The following SUMF1 variants were observed in gnomAD, a reference collection of about 807,000 sequenced individuals.
SUMF1 encodes sulfatase modifying factor 1, also known as formylglycine-generating enzyme.
A neutral mutation model predicts 47.6 loss-of-function variants in SUMF1; 48 were observed. The observed-to-expected ratio is 1.01, with a 90% CI of 0.80 to 1.28. SUMF1 has a LOEUF of 1.28. SUMF1 is among the 50% of genes most tolerant of loss of function. The probability of loss-of-function intolerance (pLI) is 0.00; values close to 1 mark genes in which losing one functional copy is unlikely to be tolerated. For missense variants in SUMF1, 571 were observed against 485.4 expected (o/e 1.18, Z -1.66); for synonymous variants, 230 against 192.1 (o/e 1.20, Z -1.63).
intron 8 of SUMF1, among the ~76,000 whole-genome samples, chr3:4,232,149 T>C (rs553550134): frequency 2.0e-4 from 31 of 152,126 alleles, no homozygotes; most frequent in South Asian, 6.2e-4. Context: ...AAAACTGACA[T>C]TGACTAATTT....
intron 7 of SUMF1, among the ~76,000 whole-genome samples, chr3:4,383,784 C>G (rs1289932436): frequency 6.6e-6 from 1 of 152,192 alleles, no homozygotes; most frequent in African/African-American, 2.4e-5. Flanking sequence ...ATGTTGCCTG[C>G]TGTGCTGTGA....
In SUMF1 at chr3:4,308,155, T is replaced by C. The variant is rs1055396555; in HGVS notation, c.1014+68175A>G. The stretch of plus-strand genomic sequence containing the variant: ...AAGAAGTCTAGTCTGGATCAGCTCT[T>C]AGCTTTTCTCCACTCAAATGGAGAA... On this transcript the variant is annotated intron_variant and NMD_transcript_variant, in intron 8 of 12. Transcript: ENST00000448413. 7.9e-5 allele frequency among the ~76,000 whole-genome samples: 12 copies of C among 152,356 alleles called. 1 individual carries two copies. The East Asian group carries it at 2.1e-3, about 27-fold the overall frequency.
chr3:4,282,537 A>G (rs1697550856), intron 8 of SUMF1, among the ~76,000 whole-genome samples: 1 of 152,182 alleles, frequency 6.6e-6, no homozygotes, highest in Admixed American at 6.5e-5. Flanking sequence ...GAGTGGGGAA[A>G]AATCCTTATG....
intron 8 of SUMF1, among the ~76,000 whole-genome samples, chr3:4,260,022 G>T (rs1439166220): frequency 8.6e-6 from 1 of 116,326 alleles, no homozygotes; most frequent in Non-Finnish European, 1.9e-5. Context: ...CCAGAAAAAG[G>T]ATAAAAAAAA....
chr3:4,232,513 C>A (rs1696323004), intron 8 of SUMF1, among the ~76,000 whole-genome samples: 1 of 151,718 alleles, frequency 6.6e-6, no homozygotes, highest in African/African-American at 2.4e-5. Flanking sequence ...ACCCTCCCAG[C>A]AATACTACAT....
chr3:4,427,674 T>C (rs1702109834), intron 3 of SUMF1, among the ~76,000 whole-genome samples: 2 of 152,182 alleles, frequency 1.3e-5, no homozygotes, highest in South Asian at 4.1e-4. Context: ...GACTTGAACT[T>C]TTCAATACTT....
At chr3:4,096,703 T>G (rs1169650144) in intron 8 of SUMF1, among the ~76,000 whole-genome samples, 1 of 152,052 alleles carries the variant, frequency 6.6e-6, no homozygotes, top group African/African-American at 2.4e-5. Context: ...TCTGTAAAGA[T>G]AAAGCAAGAA....
At chr3:4,451,847 C>T (rs905100384) in intron 2 of SUMF1, among the ~76,000 whole-genome samples, 1 of 152,106 alleles carries the variant, frequency 6.6e-6, no homozygotes, top group Admixed American at 6.6e-5. Flanking sequence ...CCATGCCCGG[C>T]TAATTTTTTG....
At chr3:4,058,590 AGAG>A (rs963739148) in intron 9 of SUMF1, among the ~76,000 whole-genome samples, 2 of 152,170 alleles carry the variant, frequency 1.3e-5, no homozygotes, top group Non-Finnish European at 2.9e-5. Context: ...TAAAAGGAAA[AGAG>A]GAGGATAGGG....
At chr3:4,194,260 A>C (rs2125145685) in intron 8 of SUMF1, among the ~76,000 whole-genome samples, 1 of 152,274 alleles carries the variant, frequency 6.6e-6, no homozygotes, top group South Asian at 2.1e-4. Flanking sequence ...TAGAGAATGC[A>C]AGTGTATACT....
At chr3:4,382,325 C>A (rs906602899) in intron 7 of SUMF1, among the ~76,000 whole-genome samples, 7 of 129,122 alleles carry the variant, frequency 5.4e-5, no homozygotes, top group Non-Finnish European at 9.7e-5. Context: ...TACATACACA[C>A]ACACATACAT....
intron 9 of SUMF1, among the ~76,000 whole-genome samples, chr3:4,044,017 A>G (rs1161265006): frequency 6.6e-6 from 1 of 152,094 alleles, no homozygotes; most frequent in Non-Finnish European, 1.5e-5. Flanking sequence ...TTTCAAATTT[A>G]TAGCAGAAAG....
chr3:4,384,644 T>C (rs753240709), intron 7 of SUMF1, among the ~76,000 whole-genome samples: 1 of 152,210 alleles, frequency 6.6e-6, no homozygotes, highest in Non-Finnish European at 1.5e-5. Flanking sequence ...TTCATCCAGG[T>C]TGCTCTGCAT....
Position 4,176,646 on chromosome 3 carries a change from C to T in SUMF1, c.1015-107901G>A, listed in dbSNP as rs377412200. ...CTACATCAATTAACAGGCAAAATAA[C>T]CAGTCAACTTCATAATGAGATGATC... On this transcript the variant is annotated intron_variant and NMD_transcript_variant, in intron 8 of 12. Transcript: ENST00000448413. Among the ~76,000 whole-genome samples, 74 of 152,256 alleles carry T rather than the reference C, an allele frequency of 4.9e-4. 1 individual carries two copies. The highest frequency in any genetic ancestry group is 1.6e-3 in the African/African-American group (68 of 41,546).
intron 8 of SUMF1, among the ~76,000 whole-genome samples, chr3:4,250,089 A>C (rs2125008165): frequency 6.6e-6 from 1 of 152,252 alleles, no homozygotes; most frequent in East Asian, 1.9e-4. Context: ...GACATGAGGC[A>C]CAAGAATCGC....
At chr3:4,363,486 T>C (rs894731596) in intron 8 of SUMF1, among the ~76,000 whole-genome samples, 3 of 151,734 alleles carry the variant, frequency 2.0e-5, no homozygotes, top group African/African-American at 4.8e-5. Flanking sequence ...TTTGAAGTAA[T>C]TGTGAATGGG....
intron 1 of SUMF1, among the ~76,000 whole-genome samples, chr3:4,456,971 C>CGT (rs371389285): frequency 3.8e-4 from 13 of 34,518 alleles, no homozygotes; most frequent in African/African-American, 8.4e-4. Flanking sequence ...TATATATATA[C>CGT]GTGTGTGTAT....
At chr3:4,446,275 GC>G (rs1702777488) in intron 3 of SUMF1, among the ~76,000 whole-genome samples, 1 of 152,104 alleles carries the variant, frequency 6.6e-6, no homozygotes, top group African/African-American at 2.4e-5. Context: ...GTTTTCCTGT[GC>G]TGTTGCCATG....
intron 8 of SUMF1, among the ~76,000 whole-genome samples, chr3:4,278,578 A>G (rs1018599458): frequency 2.4e-4 from 36 of 152,136 alleles, no homozygotes; most frequent in African/African-American, 8.7e-4. Context: ...TACGTCTATG[A>G]GACTGGTTTC....
Sources: gnomAD v4.1 joint callset for allele counts (sites outside exome capture counted in the v4.1 genomes callset) on GRCh38, gnomAD v4.1.1 for gene constraint, MANE v1.5 for transcripts, NCBI Gene and HGNC (gene_info 2026-07-23, HGNC 2026-07-21) for gene names.